ADGRL3: variants seen among roughly 807,000 people sequenced by gnomAD.
ADGRL3 encodes calcium-independent alpha-latrotoxin receptor 3.
ADGRL3 carries 62 observed loss-of-function variants against 153.5 expected under a neutral mutation model. The ratio of observed to expected loss-of-function variants is 0.40; its 90% confidence interval spans 0.33 to 0.50. The LOEUF is 0.50. Ranked by LOEUF, ADGRL3 falls within the 20% of genes least tolerant of loss-of-function variation. The probability of loss-of-function intolerance (pLI) is 0.47; values close to 1 mark genes in which losing one functional copy is unlikely to be tolerated. For missense variants in ADGRL3, 1,641 were observed against 1,859.4 expected (o/e 0.88, Z 2.16); for synonymous variants, 710 against 672.5 (o/e 1.06, Z -0.86).
At chr4:61,652,163 T>G (rs1315512238) in intron 5 of ADGRL3, among the ~76,000 whole-genome samples, 1 of 151,964 alleles carries the variant, frequency 6.6e-6, no homozygotes, top group Non-Finnish European at 1.5e-5. Flanking sequence ...ATTCAAAGAG[T>G]GGCCTATAGT....
At chr4:61,341,874 G>T (rs2095814744) in intron 1 of ADGRL3, among the ~76,000 whole-genome samples, 1 of 152,022 alleles carries the variant, frequency 6.6e-6, no homozygotes. Flanking sequence ...GTAAAAGTGG[G>T]ATTACAAGGG....
intron 2 of ADGRL3, among the ~76,000 whole-genome samples, chr4:61,448,564 G>A (rs1578914128): frequency 1.3e-5 from 2 of 152,036 alleles, no homozygotes; most frequent in African/African-American, 4.8e-5. Context: ...TAAAGTGCTT[G>A]GAACACTACA....
intron 2 of ADGRL3, among the ~76,000 whole-genome samples, chr4:61,387,054 G>A (rs944237605): frequency 1.3e-5 from 2 of 152,092 alleles, no homozygotes; most frequent in African/African-American, 2.4e-5. Flanking sequence ...AGCGTTGGCC[G>A]CCTTGAGAAA....
intron 8 of ADGRL3, among the ~76,000 whole-genome samples, chr4:61,743,032 C>A (rs978409903): frequency 1.3e-5 from 2 of 149,004 alleles, no homozygotes; most frequent in Admixed American, 6.7e-5. Context: ...TTAGAAAAAA[C>A]AATTCTGGCT....
At chr4:61,984,565 T>G (rs762980005) in intron 19 of ADGRL3, among the ~76,000 whole-genome samples, 5 of 152,164 alleles carry the variant, frequency 3.3e-5, no homozygotes, top group Non-Finnish European at 7.4e-5. Flanking sequence ...AGAACTCATC[T>G]CTAAGAAGCA....
rs141859821 is a variant in ADGRL3 at position 61,619,043 on chromosome 4, T to C, written c.473+31603T>C. The stretch of plus-strand genomic sequence containing the variant: ...CCAAGTTTGTGTTTAAGTCACATTT[T>C]TTTAAATGAGCCTTTAGGCAAAGCA... On this transcript the variant is annotated intron_variant, in intron 5 of 26. Coordinates refer to ENST00000683033, the MANE Select transcript of ADGRL3 (RefSeq NM_001387552.1). 2.1e-3 allele frequency among the ~76,000 whole-genome samples: 317 copies of C among 152,318 alleles called. 1 individual carries two copies. Among genetic ancestry groups the C allele is most frequent in the Non-Finnish European group, 3.9e-3 (268 of 68,028 alleles).
intron 8 of ADGRL3, among the ~76,000 whole-genome samples, chr4:61,803,214 T>C (rs191624105): frequency 6.6e-6 from 1 of 152,122 alleles, no homozygotes. Context: ...ACAGGAGTTA[T>C]GTGAAAAAAT....
At chr4:61,727,922 A>G (rs1488927325) in intron 6 of ADGRL3, among the ~76,000 whole-genome samples, 1 of 152,056 alleles carries the variant, frequency 6.6e-6, no homozygotes. Flanking sequence ...CTATTCACTG[A>G]GTATTTATTA....
intron 1 of ADGRL3, among the ~76,000 whole-genome samples, chr4:61,240,529 A>G (rs1412881000): frequency 4.6e-5 from 7 of 152,294 alleles, no homozygotes; most frequent in Admixed American, 2.6e-4. Context: ...CTAAACATCT[A>G]TGAAACAGAT....
At chr4:61,669,901 A>G (rs1274534812) in intron 5 of ADGRL3, among the ~76,000 whole-genome samples, 1 of 152,232 alleles carries the variant, frequency 6.6e-6, no homozygotes, top group Non-Finnish European at 1.5e-5. Flanking sequence ...GTTTGTGTAC[A>G]CTGACTTTAG....
At chr4:61,446,087 A>G (rs1390262366) in intron 2 of ADGRL3, among the ~76,000 whole-genome samples, 1 of 152,144 alleles carries the variant, frequency 6.6e-6, no homozygotes, top group African/African-American at 2.4e-5. Context: ...TGACAAAATC[A>G]TATAATGACA....
At chr4:61,978,129 CAA>C (rs1311258081) in intron 17 of ADGRL3, among the ~76,000 whole-genome samples, 1 of 152,050 alleles carries the variant, frequency 6.6e-6, no homozygotes. Context: ...CATCCTAAAA[CAA>C]AAGTCAGTGT....
chr4:61,528,029 C>A (rs1159381021), intron 4 of ADGRL3, among the ~76,000 whole-genome samples: 1 of 152,058 alleles, frequency 6.6e-6, no homozygotes, highest in Non-Finnish European at 1.5e-5. Flanking sequence ...GGGTGTGAAG[C>A]AGTGTAATTT....
chr4:61,576,330 G>A (rs1435681573), intron 4 of ADGRL3, among the ~76,000 whole-genome samples: 1 of 151,550 alleles, frequency 6.6e-6, no homozygotes, highest in African/African-American at 2.4e-5. Context: ...TGGTTTTGAG[G>A]GTATATTTTG....
chr4:61,311,454 C>A (rs967911819), intron 1 of ADGRL3, among the ~76,000 whole-genome samples: 1 of 152,158 alleles, frequency 6.6e-6, no homozygotes, highest in Admixed American at 6.5e-5. Flanking sequence ...GAAGAGTAAT[C>A]TTTTCTGTGT....
intron 13 of ADGRL3, among the ~76,000 whole-genome samples, chr4:61,928,349 A>G (rs1034068491): frequency 1.3e-5 from 2 of 152,134 alleles, no homozygotes; most frequent in Non-Finnish European, 2.9e-5. Context: ...AAGAAAATGT[A>G]TTCATCCTTT....
At chr4:61,629,721 CAAAAAAAAAAAAAAAAAAAAAA>C (rs59504485) in intron 5 of ADGRL3, among the ~76,000 whole-genome samples, 341 of 33,436 alleles carry the variant, frequency 0.01, 1 homozygote, top group Non-Finnish European at 0.014. Context: ...CGTCTCGGGG[CAAAAAAAAAAAAAAAAAAAAAA>C]AAAAAAAAAA....
At chr4:61,307,570 A>G (rs1452531298) in intron 1 of ADGRL3, among the ~76,000 whole-genome samples, 1 of 152,188 alleles carries the variant, frequency 6.6e-6, no homozygotes, top group Admixed American at 6.5e-5. Flanking sequence ...TATTTTTAAT[A>G]TGTTATTCAC....
intron 21 of ADGRL3, among the ~76,000 whole-genome samples, chr4:62,004,416 G>A (rs985219816): frequency 6.6e-5 from 10 of 151,886 alleles, no homozygotes; most frequent in Non-Finnish European, 1.5e-5. Context: ...GTCTGGATGA[G>A]TTTGAGGAAA....
Sources: allele counts gnomAD v4.1 joint callset (sites outside exome capture counted in the v4.1 genomes callset), GRCh38; gene constraint gnomAD v4.1.1; transcripts MANE v1.5; gene names NCBI Gene and HGNC (gene_info 2026-07-23, HGNC 2026-07-21).